The following HS3ST4 variants were observed in gnomAD, a reference collection of about 807,000 sequenced individuals.
The protein encoded by HS3ST4 is heparan sulfate glucosamine 3-O-sulfotransferase 4.
HS3ST4 carries 17 observed loss-of-function variants against 29.2 expected under a neutral mutation model. The observed-to-expected ratio is 0.58, with a 90% CI of 0.40 to 0.87. The LOEUF (loss-of-function observed/expected upper bound fraction) is 0.87. Ranked by LOEUF, HS3ST4 falls within the 40% of genes least tolerant of loss-of-function variation. The pLI is 0.00. For synonymous variants in HS3ST4, 314 were observed against 285.7 expected, an observed-to-expected ratio of 1.10 and a Z score of -1.00; for missense variants, 627 against 634.5, an observed-to-expected ratio of 0.99 and a Z score of 0.13.
chr16:26,032,940 AT>A, intron 1 of HS3ST4: 2 of 744,148 alleles, frequency 2.7e-6, no homozygotes, highest in Non-Finnish European at 4.6e-6. Context: ...TTTAAGACTG[AT>A]TTAGATTCAG....
chr16:26,089,160 TAGA>T (rs1596676655), intron 1 of HS3ST4, among the ~76,000 whole-genome samples: 1 of 152,208 alleles, frequency 6.6e-6, no homozygotes, highest in East Asian at 1.9e-4. Flanking sequence ...ACTGTGCTCC[TAGA>T]AGACTTGTTG....
intron 1 of HS3ST4, among the ~76,000 whole-genome samples, chr16:26,121,417 G>T (rs1221396739): frequency 3.3e-5 from 5 of 152,214 alleles, no homozygotes; most frequent in African/African-American, 1.2e-4. Context: ...CAAATTGGAA[G>T]TCATCTTCTG....
intron 1 of HS3ST4, among the ~76,000 whole-genome samples, chr16:25,766,131 T>C (rs1032219972): frequency 1.3e-5 from 2 of 151,978 alleles, no homozygotes; most frequent in African/African-American, 2.4e-5. Context: ...CACCATCATC[T>C]AGTAGCTGTG....
intron 1 of HS3ST4, among the ~76,000 whole-genome samples, chr16:26,073,679 T>TTTACTC (rs111675353): frequency 0.29 from 44,353 of 152,012 alleles, 6,817 homozygotes; most frequent in Middle Eastern, 0.36. Context: ...GGTCAGAACT[T>TTTACTC]TTAATATCTA....
At chr16:25,828,302 C>T (rs1446306072) in intron 1 of HS3ST4, among the ~76,000 whole-genome samples, 2,206 of 18,290 alleles carry the variant, frequency 0.12, 92 homozygotes, top group African/African-American at 0.16. Flanking sequence ...CTTTCTTTCC[C>T]TCTCTCTCTC....
intron 1 of HS3ST4, among the ~76,000 whole-genome samples, chr16:26,055,368 C>A (rs1898394461): frequency 6.6e-6 from 1 of 152,110 alleles, no homozygotes; most frequent in African/African-American, 2.4e-5. Flanking sequence ...GCCTAGCTCA[C>A]AGCAGGAACT....
intron 1 of HS3ST4, among the ~76,000 whole-genome samples, chr16:25,911,511 T>G (rs1226224379): frequency 7.0e-6 from 1 of 143,836 alleles, no homozygotes; most frequent in Non-Finnish European, 1.5e-5. Flanking sequence ...TTTTTTTTTT[T>G]TTTTTTTTTT....
chr16:26,135,736 G>T lies in HS3ST4; in HGVS notation c.859G>T (p.Val287Leu), dbSNP rs1898274205. 6.2e-7 allele frequency: 1 copy of T among 1,614,002 alleles called. No individual in the cohort carries two copies. The change falls in exon 2 of 2, where the codon GTG (valine) becomes TTG (leucine). Residue 287 changes from valine to leucine, a missense_variant. By Grantham distance (32) the Val-to-Leu change is conservative (BLOSUM62 1). This residue lies in a region of HS3ST4 where 225 missense variants were observed against 293.7 expected (regional missense o/e 0.77). Coordinates refer to ENST00000331351, the MANE Select transcript of HS3ST4 (RefSeq NM_006040.3). ...CAAGGACATCAAACTGATTGTGGTGGTGAGAAACCCCGTGACCAGGGCCAT... is the reference window on the plus strand; with the variant it reads ...CAAGGACATCAAACTGATTGTGGTGTTGAGAAACCCCGTGACCAGGGCCAT... The part of the protein sequence containing the change: ...MAKDIKLIVV[V>L]RNPVTRAISD...
chr16:25,930,961 A>G (rs1476724937), intron 1 of HS3ST4, among the ~76,000 whole-genome samples: 1 of 152,046 alleles, frequency 6.6e-6, no homozygotes, highest in East Asian at 1.9e-4. Flanking sequence ...TTTTATAGAG[A>G]CGGGGTCTCA....
intron 1 of HS3ST4, among the ~76,000 whole-genome samples, chr16:25,768,250 A>G (rs1294677027): frequency 6.6e-6 from 1 of 152,208 alleles, no homozygotes; most frequent in East Asian, 1.9e-4. Context: ...ACACACATTC[A>G]TCAGTGCATA....
intron 1 of HS3ST4, among the ~76,000 whole-genome samples, chr16:25,719,655 A>C (rs939672721): frequency 1.3e-5 from 2 of 152,224 alleles, no homozygotes; most frequent in African/African-American, 4.8e-5. Context: ...TCTGGGCATC[A>C]TATGCTAGCA....
chr16:25,824,704 G>A (rs982458137), intron 1 of HS3ST4: 1 of 152,136 alleles, frequency 6.6e-6, no homozygotes, highest in Admixed American at 6.5e-5. Flanking sequence ...AGCATACGAG[G>A]GTCTTGTGTG....
intron 1 of HS3ST4, among the ~76,000 whole-genome samples, chr16:26,060,867 C>A (rs1898466314): frequency 6.6e-6 from 1 of 152,206 alleles, no homozygotes; most frequent in Admixed American, 6.5e-5. Context: ...TACTGATTGG[C>A]TGGGTATTCC....
At chr16:25,974,099 G>A (rs1184072012) in intron 1 of HS3ST4, among the ~76,000 whole-genome samples, 2 of 152,142 alleles carry the variant, frequency 1.3e-5, no homozygotes, top group Non-Finnish European at 2.9e-5. Context: ...CTTCTTACAC[G>A]ATTGAAAGAA....
intron 1 of HS3ST4, among the ~76,000 whole-genome samples, chr16:26,047,988 C>T (rs896211685): frequency 1.2e-4 from 18 of 152,174 alleles, no homozygotes; most frequent in Admixed American, 1.3e-4. Context: ...GTGAGGCAAT[C>T]ACCTGAGCAG....
At chr16:25,770,098 A>C (rs922096822) in intron 1 of HS3ST4, among the ~76,000 whole-genome samples, 6 of 152,188 alleles carry the variant, frequency 3.9e-5, no homozygotes, top group Admixed American at 6.5e-5. Flanking sequence ...CCGAGTGCTT[A>C]AAATTGCAAC....
chr16:26,051,367 C>T (rs1274330373), intron 1 of HS3ST4, among the ~76,000 whole-genome samples: 2 of 152,180 alleles, frequency 1.3e-5, no homozygotes, highest in Non-Finnish European at 2.9e-5. Context: ...CCTCCTCCCA[C>T]AAGCTTTCCT....
At chr16:25,931,941 TGAAAGG>T (rs1968468079) in intron 1 of HS3ST4, among the ~76,000 whole-genome samples, 1 of 152,118 alleles carries the variant, frequency 6.6e-6, no homozygotes. Context: ...ACAATTCTAT[TGAAAGG>T]GACATGGTTC....
At chr16:26,023,768 A>T (rs910433061) in intron 1 of HS3ST4, among the ~76,000 whole-genome samples, 1 of 152,162 alleles carries the variant, frequency 6.6e-6, no homozygotes, top group East Asian at 1.9e-4. Flanking sequence ...TTTCTGGTTG[A>T]TATAGCAGAG....
Sources: gnomAD v4.1 joint callset for allele counts (sites outside exome capture counted in the v4.1 genomes callset) on GRCh38, gnomAD v4.1.1 for gene constraint, gnomAD v4.1.1 regional missense constraint, MANE v1.5 for transcripts, NCBI Gene and HGNC (gene_info 2026-07-23, HGNC 2026-07-21) for gene names.